CCDC91: variants seen among roughly 807,000 people sequenced by gnomAD.
CCDC91 encodes coiled-coil domain-containing protein 91.
Under a neutral mutation model 63.2 loss-of-function variants are expected in CCDC91, and 48 were observed. The ratio of observed to expected loss-of-function variants is 0.76; its 90% CI spans 0.60 to 0.97. The LOEUF (loss-of-function observed/expected upper bound fraction) is 0.97, where lower values mean the gene tolerates loss of function less well. Among genes scored for constraint, CCDC91 ranks in the 50% least tolerant of loss-of-function variants. The probability of loss-of-function intolerance (pLI) is 0.00; values close to 1 mark genes in which losing one functional copy is unlikely to be tolerated. For synonymous variants in CCDC91, 167 were observed against 165.8 expected, an observed-to-expected ratio of 1.01 and a Z score of -0.06; for missense variants, 500 against 494.6, an observed-to-expected ratio of 1.01 and a Z score of -0.10.
intron 1 of CCDC91, among the ~76,000 whole-genome samples, chr12:28,214,354 A>T (rs1377295265): frequency 6.6e-6 from 1 of 152,006 alleles, no homozygotes; most frequent in Non-Finnish European, 1.5e-5. Flanking sequence ...TCAGTGGAAA[A>T]CTGACCAACC....
Position 28,391,114 on chromosome 12 carries a change from T to C in CCDC91, c.655-190T>C, listed in dbSNP as rs370339711. Among the ~76,000 whole-genome samples the C allele has an allele frequency of 3.7e-4, 57 of 152,136 alleles. No individual in the cohort carries two copies. In the South Asian group the frequency reaches 8.1e-3, roughly 22 times the overall value. On this transcript the variant is annotated intron_variant, in intron 7 of 12. Coordinates refer to ENST00000536442, the MANE Select transcript of CCDC91 (RefSeq NM_018318.5). ...AGCCAAAAAATTGTTATCTTGGCAA[T>C]AGGAAAATGTAAAAGCAAAAGCTGA...
intron 1 of CCDC91, among the ~76,000 whole-genome samples, chr12:28,211,801 A>C (rs1476726906): frequency 6.6e-6 from 1 of 152,142 alleles, no homozygotes; most frequent in Non-Finnish European, 1.5e-5. Flanking sequence ...AGAAAAATGA[A>C]ACAAAGGGGT....
At chr12:28,208,166 A>G (rs925661813) in intron 1 of CCDC91, among the ~76,000 whole-genome samples, 2 of 152,324 alleles carry the variant, frequency 1.3e-5, no homozygotes, top group East Asian at 1.9e-4. Context: ...TCCATCTTTC[A>G]TGAACCTCCT....
Position 28,524,233 on chromosome 12 carries a change from C to T in CCDC91, c.1216-24830C>T, listed in dbSNP as rs142080970. Among the ~76,000 whole-genome samples the T allele has an allele frequency of 1.4e-3, 214 of 152,164 alleles. 4 individuals carry two copies. The East Asian group carries it at 0.032, about 22-fold the overall frequency. Reference sequence around the variant, plus strand: ...AGAGGGAATGCTTTCAACTTTTCCCCGTTCAGTATTATGTTGGCTGTGGGT... The same window carrying T: ...AGAGGGAATGCTTTCAACTTTTCCCTGTTCAGTATTATGTTGGCTGTGGGT... On this transcript the variant is annotated intron_variant, in intron 12 of 12. Transcript: ENST00000536442.
chr12:28,386,808 G>A (rs1945631880), intron 7 of CCDC91, among the ~76,000 whole-genome samples: 1 of 152,116 alleles, frequency 6.6e-6, no homozygotes, highest in South Asian at 2.1e-4. Context: ...GCCCTTGATA[G>A]CATTCTTTTA....
intron 1 of CCDC91, among the ~76,000 whole-genome samples, chr12:28,204,661 CAT>C (rs750325935): frequency 7.2e-5 from 11 of 152,158 alleles, no homozygotes; most frequent in Non-Finnish European, 1.0e-4. Flanking sequence ...ACATTTGAAT[CAT>C]GTGTAGTTTT....
chr12:28,255,115 T>C (rs1946363177), intron 1 of CCDC91, among the ~76,000 whole-genome samples: 1 of 152,184 alleles, frequency 6.6e-6, no homozygotes, highest in Non-Finnish European at 1.5e-5. Context: ...GTCACTAGTA[T>C]GTTCTTTTGC....
At chr12:28,268,712 T>C (rs546982550) in intron 3 of CCDC91, 25 of 970,532 alleles carry the variant, frequency 2.6e-5, no homozygotes, top group African/African-American at 3.5e-5. Context: ...TCATCCTGTT[T>C]ACTCAGTAGG....
chr12:28,215,494 C>T (rs1182388808), intron 1 of CCDC91, among the ~76,000 whole-genome samples: 12 of 152,032 alleles, frequency 7.9e-5, no homozygotes, highest in Non-Finnish European at 1.5e-4. Context: ...GATGTAATGT[C>T]AGATATGAAG....
At chr12:28,301,616 T>C (rs1938090364) in intron 3 of CCDC91, among the ~76,000 whole-genome samples, 1 of 151,756 alleles carries the variant, frequency 6.6e-6, no homozygotes, top group Admixed American at 6.6e-5. Context: ...TTCAGTGTTC[T>C]TCTCAATTTT....
intron 8 of CCDC91, among the ~76,000 whole-genome samples, chr12:28,419,464 A>AAAATAT (rs1456622646): frequency 6.6e-6 from 1 of 152,196 alleles, no homozygotes; most frequent in African/African-American, 2.4e-5. Context: ...TGACACAAGA[A>AAAATAT]AAATATAAAC....
intron 12 of CCDC91, among the ~76,000 whole-genome samples, chr12:28,490,683 G>C (rs543693219): frequency 1.3e-5 from 2 of 151,922 alleles, no homozygotes; most frequent in Admixed American, 1.3e-4. Flanking sequence ...GTTGTTTAAG[G>C]TTAATATAAT....
At chr12:28,318,174 A>G (rs1940098545) in intron 6 of CCDC91, among the ~76,000 whole-genome samples, 1 of 151,926 alleles carries the variant, frequency 6.6e-6, no homozygotes, top group Non-Finnish European at 1.5e-5. Context: ...TCAGTTTTTA[A>G]TAGAAACAAA....
chr12:28,462,932 GA>G (rs1950377233), intron 11 of CCDC91, among the ~76,000 whole-genome samples: 1 of 152,142 alleles, frequency 6.6e-6, no homozygotes, highest in Admixed American at 6.6e-5. Flanking sequence ...GGAAGAAGGA[GA>G]AGTAGGCTTA....
chr12:28,474,088 T>C (rs1168253007), intron 11 of CCDC91, among the ~76,000 whole-genome samples: 1 of 152,106 alleles, frequency 6.6e-6, no homozygotes, highest in Non-Finnish European at 1.5e-5. Context: ...TGATGAGTGC[T>C]TACTCTGGTA....
intron 8 of CCDC91, among the ~76,000 whole-genome samples, chr12:28,434,866 G>T (rs1948822765): frequency 6.6e-6 from 1 of 151,400 alleles, no homozygotes; most frequent in Admixed American, 6.6e-5. Flanking sequence ...TGGCAGATTT[G>T]TGCATTTTTA....
chr12:28,393,969 T>C (rs1946109617), intron 8 of CCDC91, among the ~76,000 whole-genome samples: 1 of 152,220 alleles, frequency 6.6e-6, no homozygotes, highest in South Asian at 2.1e-4. Context: ...AGCAGTTTCA[T>C]TTACAATAGT....
intron 1 of CCDC91, chr12:28,191,362 C>G (rs566791198): frequency 1.3e-5 from 2 of 152,286 alleles, no homozygotes; most frequent in African/African-American, 2.4e-5. Context: ...CTGCTACTCT[C>G]ACTTGCTTCC....
chr12:28,487,299 G>A (rs1396580905), intron 12 of CCDC91, among the ~76,000 whole-genome samples: 1 of 151,632 alleles, frequency 6.6e-6, no homozygotes, highest in Non-Finnish European at 1.5e-5. Flanking sequence ...GTAAATAAAT[G>A]ATCTGAAATG....
Sources: gnomAD v4.1 joint callset for allele counts (sites outside exome capture counted in the v4.1 genomes callset) on GRCh38, gnomAD v4.1.1 for gene constraint, MANE v1.5 for transcripts, NCBI Gene and HGNC (gene_info 2026-07-23, HGNC 2026-07-21) for gene names.